NUP188: variants seen among roughly 807,000 people sequenced by gnomAD.
NUP188 encodes nucleoporin 188, also known as nucleoporin NUP188.
In NUP188, 97 loss-of-function variants were observed where a neutral mutation model predicts 223.0. The observed-to-expected ratio is 0.43, with a 90% confidence interval of 0.37 to 0.51. The LOEUF (loss-of-function observed/expected upper bound fraction) is 0.51, where lower values mean the gene tolerates loss of function less well. Among genes scored for constraint, NUP188 ranks in the 20% least tolerant of loss-of-function variants. The pLI is 0.00. For missense variants in NUP188, 1,947 were observed against 2,175.6 expected (o/e 0.89, Z 2.09); for synonymous variants, 869 against 828.0 (o/e 1.05, Z -0.85).
In NUP188 at chr9:129,006,530, A is replaced by G. The variant is rs1190081904; in HGVS notation, c.5102A>G (p.Tyr1701Cys). The G allele has an allele frequency of 2.5e-6, 4 of 1,613,742 alleles. No individual in the cohort carries two copies. The highest frequency in any genetic ancestry group is 2.5e-6 in the Non-Finnish European group (3 of 1,179,926). Reference protein sequence around the residue: ...LSTLLSSLSRYFRRGAPSSPA... With the variant: ...LSTLLSSLSRCFRRGAPSSPA... ...ACGCTGCTGTCCAGCCTCTCGCGCT[A>G]CTTCCGCCGGGGAGCCCCCAGCTCC... is the stretch of plus-strand genomic sequence containing the variant. Residue 1701 changes from tyrosine (Y) to cysteine (C), a missense_variant, in exon 44 of 44, where the codon TAC (tyrosine) becomes TGC (cysteine). Tyr to Cys is a radical substitution (Grantham distance 194). Around this residue, in one of 3 missense-constraint regions of NUP188, gnomAD observed 905 missense variants for 990.6 expected, o/e 0.91. Transcript: ENST00000372577.
intron 14 of NUP188, 139 bp downstream of exon 14, chr9:128,980,864 A>G: frequency 2.5e-6 from 2 of 788,296 alleles, no homozygotes; most frequent in Non-Finnish European, 4.0e-6. Flanking sequence ...GATACCAAAG[A>G]TAGCACCTCA....
Position 128,993,631 on chromosome 9 carries a change from T to C in NUP188, c.2954T>C (p.Ile985Thr), listed in dbSNP as rs754919734. ...CCACCCCTGCTGCATCGTGCCGCCA[T>C]TGCCTTTTTGCATGCTCTGTGGCAG... ...WCPPLLHRAA[I>T]AFLHALWQDR... Residue 985 changes from isoleucine (I) to threonine (T), a missense_variant, in exon 27 of 44, where the codon ATT (isoleucine) becomes ACT (threonine). This residue lies in a region of NUP188 where 905 missense variants were observed against 990.6 expected (regional missense o/e 0.91). Coordinates refer to ENST00000372577, the MANE Select transcript of NUP188 (RefSeq NM_015354.3). The C allele has an allele frequency of 6.2e-7, 1 of 1,614,190 alleles. No individual in the cohort carries two copies. Among genetic ancestry groups the C allele is most frequent in the Non-Finnish European group, 8.5e-7 (1 of 1,180,018 alleles).
intron 1 of NUP188, 33 bp downstream of exon 1, chr9:128,947,784 G>A: frequency 1.4e-6 from 2 of 1,385,422 alleles, no homozygotes; most frequent in East Asian, 2.8e-5. Context: ...CGGGGTGGCT[G>A]TGAAGCGCGG....
chr9:129,007,007 G>C lies in NUP188; in HGVS notation c.*329G>C, dbSNP rs1842826881. On this transcript the variant is annotated 3_prime_UTR_variant, in exon 44 of 44. Coordinates refer to ENST00000372577, the MANE Select transcript of NUP188 (RefSeq NM_015354.3). ...AGCCCAGCAGAGGGCTCTATGCACGGGTTTCAAACCTGTTTTCCACACTCT... is the reference window on the plus strand; with the variant it reads ...AGCCCAGCAGAGGGCTCTATGCACGCGTTTCAAACCTGTTTTCCACACTCT... 1 of 259,482 alleles carries C rather than the reference G, an allele frequency of 3.9e-6. No homozygotes were observed. Among genetic ancestry groups the C allele is most frequent in the Non-Finnish European group, 7.3e-6 (1 of 137,060 alleles). 16.1% of individuals were successfully genotyped at this position (259,482 alleles called of 1,614,324 possible). A position where few individuals can be genotyped will look rare whatever the true frequency, so the allele number is the denominator to read the frequency against.
At chr9:128,952,444 C>T (rs1841804102) in intron 2 of NUP188, among the ~76,000 whole-genome samples, 2 of 149,464 alleles carry the variant, frequency 1.3e-5, no homozygotes, top group Admixed American at 6.7e-5. Context: ...CATTTGCGGT[C>T]GGGTGCCTTG....
In NUP188 at chr9:128,988,108, T is replaced by G. The variant is rs762491796; in HGVS notation, c.2455T>G (p.Ser819Ala). 6.2e-7 allele frequency: 1 copy of G among 1,614,226 alleles called. No individual in the cohort carries two copies. The highest frequency in any genetic ancestry group is 8.5e-7 in the Non-Finnish European group (1 of 1,180,016). ...GATCAAGACAGTGAAACTGGCATTC[T>G]CCGTCACCAACAATGTTATTCGGCT... is the stretch of plus-strand genomic sequence containing the variant. ...LLIKTVKLAF[S>A]VTNNVIRLKP... The change falls in exon 24 of 44, where the codon TCC (serine) becomes GCC (alanine). Residue 819 changes from serine (S) to alanine (A), a missense_variant. By Grantham distance (99) the Ser-to-Ala change is moderately conservative. Coordinates refer to ENST00000372577, the MANE Select transcript of NUP188 (RefSeq NM_015354.3).
intron 34 of NUP188, among the ~76,000 whole-genome samples, chr9:129,000,974 T>C (rs1461217952): frequency 6.6e-6 from 1 of 151,532 alleles, no homozygotes; most frequent in African/African-American, 2.4e-5. Context: ...GGAGCGGAGG[T>C]TGCAGTGAGC....
intron 11 of NUP188, 106 bp downstream of exon 11, chr9:128,971,064 T>G (rs1842098815): frequency 1.2e-6 from 1 of 866,408 alleles, no homozygotes; most frequent in South Asian, 1.4e-5. Context: ...ATGTTGTAAC[T>G]AACCTTTTGA....
At chr9:128,989,081 G>A (rs973556096) in intron 24 of NUP188, among the ~76,000 whole-genome samples, 68 of 151,498 alleles carry the variant, frequency 4.5e-4, no homozygotes, top group Non-Finnish European at 7.4e-4. Flanking sequence ...ATGGATGCCT[G>A]TAGTATCTTC....
intron 11 of NUP188, among the ~76,000 whole-genome samples, chr9:128,972,954 C>A (rs191262996): frequency 6.6e-6 from 1 of 152,148 alleles, no homozygotes; most frequent in Non-Finnish European, 1.5e-5. Flanking sequence ...TGATTTTATT[C>A]TTGACTTTGT....
rs137907377 is a variant in NUP188 at position 128,984,934 on chromosome 9, C to G, written c.1996C>G (p.Leu666Val). 6.2e-7 allele frequency: 1 copy of G among 1,613,712 alleles called. No individual in the cohort carries two copies. ...EGMNAGGYGN[L>V]LMNSEQPQGE... ...GATGAATGCTGGAGGGTACGGAAAC[C>G]TCTTGATGAACAGTGAACAGCCTCA... The change falls in exon 20 of 44, where the codon CTC becomes GTC. Residue 666 changes from leucine to valine, a missense_variant. Leu to Val is a conservative substitution (Grantham distance 32). Around this residue, in one of 3 missense-constraint regions of NUP188, gnomAD observed 817 missense variants for 865.8 expected, o/e 0.94. Coordinates refer to ENST00000372577, the MANE Select transcript of NUP188 (RefSeq NM_015354.3).
intron 25 of NUP188, among the ~76,000 whole-genome samples, chr9:128,992,820 A>G (rs893625677): frequency 4.6e-5 from 7 of 152,160 alleles, no homozygotes; most frequent in African/African-American, 1.7e-4. Flanking sequence ...TTTTTATTAG[A>G]TATTTCCAAA....
In NUP188 at chr9:128,984,982, G is replaced by T. The variant is rs751591466; in HGVS notation, c.2044G>T (p.Ala682Ser). The T allele has an allele frequency of 1.2e-6, 2 of 1,613,538 alleles. No individual in the cohort carries two copies. The highest frequency in any genetic ancestry group is 2.2e-5 in the South Asian group (2 of 91,010). The change falls in exon 20 of 44, where the codon GCC becomes TCC. Residue 682 changes from alanine to serine, a missense_variant. By Grantham distance (99) the Ala-to-Ser change is moderately conservative (BLOSUM62 1). Coordinates refer to ENST00000372577, the MANE Select transcript of NUP188 (RefSeq NM_015354.3). ...QPQGEYGVTI[A>S]FLRLITTLVK... is the part of the protein sequence containing the mutation. ...TCAGGGCGAGTATGGGGTTACTATT[G>T]CCTTTCTGCGCTTGATCACCACCCT... is the stretch of plus-strand genomic sequence containing the variant.
rs377257853 is a variant in NUP188, at chr9:128,995,299, G to T, written c.3156-20G>T. 1.2e-6 allele frequency: 2 copies of T among 1,600,752 alleles called. No individual in the cohort carries two copies. Among genetic ancestry groups the T allele is most frequent in the Middle Eastern group, 1.7e-4 (1 of 6,030 alleles). Reference sequence around the variant, plus strand: ...ATCTGCTTTCAAAATCTAACTGGAGGTTTTTTCTTGACACTGTAGGGGTTC... The same window carrying T: ...ATCTGCTTTCAAAATCTAACTGGAGTTTTTTTCTTGACACTGTAGGGGTTC... On this transcript the variant is annotated intron_variant, in intron 29 of 43. Transcript: ENST00000372577.
rs756315308 is a variant in NUP188 at position 129,005,231 on chromosome 9, C to G, written c.4509+10C>G. 6.8e-6 allele frequency: 11 copies of G among 1,613,724 alleles called. No individual in the cohort carries two copies. In the African/African-American group the frequency reaches 1.5e-4, roughly 22 times the overall value. On this transcript the variant is annotated intron_variant, in intron 39 of 43. Transcript: ENST00000372577. ...GCAGCATTACTTACAGGTAAGCGTC[C>G]TATGCCATGAGGTCCTGGAATACCT... is the stretch of plus-strand genomic sequence containing the variant.
At chr9:128,967,101 C>T (rs1842040389) in intron 8 of NUP188, among the ~76,000 whole-genome samples, 1 of 152,100 alleles carries the variant, frequency 6.6e-6, no homozygotes. Flanking sequence ...TCAACCTCCC[C>T]AGCTCAAGTG....
At chr9:128,965,209 A>G (rs1293545054) in intron 8 of NUP188, among the ~76,000 whole-genome samples, 1 of 152,104 alleles carries the variant, frequency 6.6e-6, no homozygotes, top group Non-Finnish European at 1.5e-5. Context: ...AGTTTCTAAC[A>G]AAGTTTTAAA....
chr9:129,004,886 G>GC (rs937321623), intron 38 of NUP188: 48 of 544,758 alleles, frequency 8.8e-5, no homozygotes, highest in African/African-American at 7.9e-4. Context: ...AGCCCTGCTG[G>GC]CCCAAGTTTG....
Position 128,983,324 on chromosome 9 carries a change from G to A in NUP188, c.1828G>A (p.Val610Ile). The A allele has an allele frequency of 6.2e-7, 1 of 1,614,158 alleles. No homozygotes were observed. The highest frequency in any genetic ancestry group is 8.5e-7 in the Non-Finnish European group (1 of 1,180,028). The stretch of plus-strand genomic sequence containing the variant: ...GACAGTGATCTCCCCACCTGTGGAT[G>A]TCATTGCTTCTTGTGTCAACTGCTT... The part of the protein sequence containing the change: ...LTTVISPPVD[V>I]IASCVNCLTV... The change falls in exon 18 of 44, where the codon GTC becomes ATC. Residue 610 changes from valine to isoleucine, a missense_variant. By Grantham distance (29) the Val-to-Ile change is conservative (BLOSUM62 3). Around this residue, in one of 3 missense-constraint regions of NUP188, gnomAD observed 817 missense variants for 865.8 expected, o/e 0.94. Coordinates refer to ENST00000372577, the MANE Select transcript of NUP188 (RefSeq NM_015354.3).
Sources: allele counts gnomAD v4.1 joint callset (sites outside exome capture counted in the v4.1 genomes callset), GRCh38; gene constraint gnomAD v4.1.1; regional missense constraint gnomAD v4.1.1; transcripts MANE v1.5; gene names NCBI Gene and HGNC (gene_info 2026-07-23, HGNC 2026-07-21).